LTBP1: variants seen among roughly 807,000 people sequenced by gnomAD.
LTBP1 encodes the protein latent-transforming growth factor beta-binding protein 1.
LTBP1 carries 129 observed loss-of-function variants against 207.6 expected under a neutral mutation model. That is an observed-to-expected ratio of 0.62 (90% CI 0.54 to 0.72). The LOEUF (loss-of-function observed/expected upper bound fraction) is 0.72, where lower values mean the gene tolerates loss of function less well. Among genes scored for constraint, LTBP1 ranks in the 30% least tolerant of loss-of-function variants. The pLI is 0.00. For missense variants in LTBP1, 2,281 were observed against 2,217.2 expected, an observed-to-expected ratio of 1.03 and a Z score of -0.58; for synonymous variants, 963 against 833.7, an observed-to-expected ratio of 1.16 and a Z score of -2.67.
At chr2:33,109,023 T>C (rs1338983056) in intron 3 of LTBP1, among the ~76,000 whole-genome samples, 1 of 152,190 alleles carries the variant, frequency 6.6e-6, no homozygotes, top group Non-Finnish European at 1.5e-5. Context: ...AGGCCCAAAA[T>C]AGATTTTCCA....
chr2:33,115,657 T>G (rs2080704011), intron 4 of LTBP1, among the ~76,000 whole-genome samples: 1 of 152,198 alleles, frequency 6.6e-6, no homozygotes, highest in Non-Finnish European at 1.5e-5. Context: ...CTTTATACAG[T>G]GTTTTCATTG....
intron 2 of LTBP1, among the ~76,000 whole-genome samples, chr2:32,967,289 T>G (rs971597602): frequency 6.6e-6 from 1 of 152,140 alleles, no homozygotes; most frequent in Non-Finnish European, 1.5e-5. Flanking sequence ...TTTATTTCTT[T>G]TGTTTACTTT....
rs190811803 is a variant in LTBP1 at position 33,084,716 on chromosome 2, T to C, written c.864-25866T>C. ...GGCACACATTGCTTTTAAACACACA[T>C]GATTTGTTTGTTCTCATTATTCAGA... On this transcript the variant is annotated intron_variant, in intron 3 of 33. Coordinates refer to ENST00000404816, the MANE Select transcript of LTBP1 (RefSeq NM_206943.4). 5.5e-4 allele frequency among the ~76,000 whole-genome samples: 83 copies of C among 152,274 alleles called. 1 individual carries two copies. Among genetic ancestry groups the C allele is most frequent in the South Asian group, 1.0e-3 (5 of 4,822 alleles).
chr2:33,294,166 C>T (rs182988284), intron 20 of LTBP1, among the ~76,000 whole-genome samples: 8 of 151,456 alleles, frequency 5.3e-5, no homozygotes, highest in South Asian at 2.1e-4. Context: ...CCACCACGCC[C>T]GACTAATTTT....
At chr2:33,145,338 G>C (rs2082941147) in intron 5 of LTBP1, among the ~76,000 whole-genome samples, 1 of 152,120 alleles carries the variant, frequency 6.6e-6, no homozygotes, top group Admixed American at 6.5e-5. Flanking sequence ...ATGCCCATCA[G>C]CTTCAATAAG....
At chr2:33,378,226 G>GTGTGT (rs1558324150) in intron 31 of LTBP1, among the ~76,000 whole-genome samples, 20 of 120,632 alleles carry the variant, frequency 1.7e-4, no homozygotes, top group African/African-American at 5.9e-4. Context: ...TGTGTGTTTT[G>GTGTGT]TTTGTTTGTT....
At chr2:33,104,957 C>T (rs1357194045) in intron 3 of LTBP1, among the ~76,000 whole-genome samples, 1 of 152,182 alleles carries the variant, frequency 6.6e-6, no homozygotes, top group Non-Finnish European at 1.5e-5. Flanking sequence ...CTTCAAGTTG[C>T]TGGAATCCTT....
intron 2 of LTBP1, among the ~76,000 whole-genome samples, chr2:32,990,290 C>G (rs73925773): frequency 1.2e-3 from 183 of 152,334 alleles, no homozygotes; most frequent in African/African-American, 4.1e-3. Flanking sequence ...GGGCATTTTG[C>G]AGGACTGGGG....
At chr2:33,296,354 C>T (rs2093874385) in intron 20 of LTBP1, among the ~76,000 whole-genome samples, 2 of 152,080 alleles carry the variant, frequency 1.3e-5, no homozygotes, top group Admixed American at 6.6e-5. Context: ...ATCAATGTCA[C>T]AACTGCCCTG....
intron 3 of LTBP1, among the ~76,000 whole-genome samples, chr2:33,086,945 G>C (rs944950253): frequency 6.6e-6 from 1 of 151,762 alleles, no homozygotes; most frequent in Admixed American, 6.6e-5. Flanking sequence ...TTGTGTTTTA[G>C]CTTCCGTGGT....
At chr2:33,206,420 A>G (rs1341165560) in intron 7 of LTBP1, among the ~76,000 whole-genome samples, 1 of 152,274 alleles carries the variant, frequency 6.6e-6, no homozygotes, top group East Asian at 1.9e-4. Context: ...CTTAATATAG[A>G]AGATTTATCT....
intron 21 of LTBP1, 65 bp from the exon 22 acceptor site, chr2:33,301,457 G>C (rs568772853): frequency 1.9e-5 from 28 of 1,498,976 alleles, no homozygotes; most frequent in Non-Finnish European, 2.4e-5. Context: ...TGATCCAATT[G>C]AGACTGATTG....
intron 5 of LTBP1, among the ~76,000 whole-genome samples, chr2:33,152,547 C>G (rs1572879309): frequency 6.6e-6 from 1 of 152,150 alleles, no homozygotes; most frequent in Non-Finnish European, 1.5e-5. Context: ...ACCATTTGAT[C>G]CAGCAATCCC....
chr2:33,064,637 T>C (rs1470340746), intron 3 of LTBP1, among the ~76,000 whole-genome samples: 6 of 152,220 alleles, frequency 3.9e-5, no homozygotes, highest in African/African-American at 1.2e-4. Context: ...TTGTGCCAGA[T>C]GGAGATGTTA....
At chr2:33,045,892 C>G (rs2076417273) in intron 3 of LTBP1, among the ~76,000 whole-genome samples, 1 of 152,112 alleles carries the variant, frequency 6.6e-6, no homozygotes, top group African/African-American at 2.4e-5. Context: ...AATGGGAGTT[C>G]ACTCATGATT....
At chr2:33,308,981 G>A (rs1217138947) in intron 22 of LTBP1, among the ~76,000 whole-genome samples, 1 of 151,988 alleles carries the variant, frequency 6.6e-6, no homozygotes, top group African/African-American at 2.4e-5. Flanking sequence ...TTCATTTGAT[G>A]TTTAAAAGTT....
chr2:33,039,298 A>AG (rs1452735078), intron 3 of LTBP1, among the ~76,000 whole-genome samples: 1 of 151,412 alleles, frequency 6.6e-6, no homozygotes, highest in African/African-American at 2.4e-5. Flanking sequence ...ATCTGACAGG[A>AG]GAAAAAAAAA....
At chr2:33,030,348 A>G (rs578206150) in intron 3 of LTBP1, among the ~76,000 whole-genome samples, 3 of 152,266 alleles carry the variant, frequency 2.0e-5, no homozygotes, top group South Asian at 4.1e-4. Flanking sequence ...GGCACAAGCA[A>G]CCATTTTCCC....
chr2:32,990,771 T>C (rs1684286248), intron 2 of LTBP1, among the ~76,000 whole-genome samples: 1 of 152,188 alleles, frequency 6.6e-6, no homozygotes, highest in African/African-American at 2.4e-5. Flanking sequence ...CAGTTCGGTA[T>C]TATGAGTCTA....
Sources: allele counts gnomAD v4.1 joint callset (sites outside exome capture counted in the v4.1 genomes callset), GRCh38; gene constraint gnomAD v4.1.1; transcripts MANE v1.5; gene names NCBI Gene and HGNC (gene_info 2026-07-23, HGNC 2026-07-21).